Variants in IQCH observed in about 807,000 individuals in gnomAD.
IQCH encodes IQ domain-containing protein H.
IQCH carries 98 observed loss-of-function variants against 117.0 expected under a neutral mutation model. That is an observed-to-expected ratio of 0.84 (90% confidence interval 0.71 to 0.99). The LOEUF (loss-of-function observed/expected upper bound fraction) is 0.99, where lower values mean the gene tolerates loss of function less well. Ranked by LOEUF, IQCH falls within the 50% of genes least tolerant of loss-of-function variation. The pLI is 0.00. For missense variants in IQCH, 1,102 were observed against 1,243.8 expected (o/e 0.89, Z 1.72); for synonymous variants, 412 against 448.2 (o/e 0.92, Z 1.02).
At chr15:67,290,274 T>C (rs1966707128) in intron 4 of IQCH, among the ~76,000 whole-genome samples, 1 of 152,122 alleles carries the variant, frequency 6.6e-6, no homozygotes, top group Admixed American at 6.6e-5. Context: ...TTGAAAATCC[T>C]AGAGTCTATT....
intron 15 of IQCH, 99 bp from the exon 16 acceptor site, chr15:67,421,192 C>T: frequency 1.0e-6 from 1 of 965,868 alleles, no homozygotes; most frequent in Non-Finnish European, 1.5e-6. Context: ...ATGTAAGCTA[C>T]TTGCCCAAAG....
chr15:67,359,896 T>A lies in IQCH; in HGVS notation c.753+11T>A. On this transcript the variant is annotated intron_variant, in intron 8 of 20. Coordinates refer to ENST00000335894, the MANE Select transcript of IQCH (RefSeq NM_001031715.3). This position sits in a 1 kb window ranked among gnomAD's most constrained non-coding sequence, Gnocchi z 4.5. ...CATCATGATAGGAAGGTCTGTAATT[T>A]GTGTGACTAGTTGAAATTTAGGGTC... 6.2e-7 allele frequency: 1 copy of A among 1,610,212 alleles called. No homozygotes were observed. Among genetic ancestry groups the A allele is most frequent in the East Asian group, 2.2e-5 (1 of 44,844 alleles).
At chr15:67,409,700 GC>G (rs2081395834) in intron 14 of IQCH, among the ~76,000 whole-genome samples, 1 of 152,166 alleles carries the variant, frequency 6.6e-6, no homozygotes, top group Admixed American at 6.5e-5. Context: ...GCCGAAATGG[GC>G]CATTAGCTAT....
At chr15:67,400,498 T>TTCTTTTTTTTTTC (rs1971616024) in intron 14 of IQCH, among the ~76,000 whole-genome samples, 193 bp downstream of exon 14, 6 of 137,360 alleles carry the variant, frequency 4.4e-5, no homozygotes, top group East Asian at 2.2e-4. Flanking sequence ...TTTCTTTTTT[T>TTCTTTTTTTTTTC]TTTTGAGATG....
intron 8 of IQCH, among the ~76,000 whole-genome samples, chr15:67,367,846 A>G (rs1970390361): frequency 6.6e-6 from 1 of 152,144 alleles, no homozygotes; most frequent in Non-Finnish European, 1.5e-5. Flanking sequence ...CTTTGGTTAT[A>G]TATGGATTTG....
chr15:67,425,315 T>C lies in IQCH; in HGVS notation c.2505+3738T>C, dbSNP rs552035157. On this transcript the variant is annotated intron_variant, in intron 16 of 20. Transcript: ENST00000335894. This position sits in a 1 kb window ranked among gnomAD's most constrained non-coding sequence, Gnocchi z 5.5. ...TATTTTTGGCCATGTTTCTCCACCA[T>C]AAAAATTACTATTTCTGGCCAGGTG... Among the ~76,000 whole-genome samples, 11 of 152,308 alleles carry C rather than the reference T, an allele frequency of 7.2e-5. No homozygotes were observed. The highest frequency in any genetic ancestry group is 2.4e-4 in the African/African-American group (10 of 41,592).
At chr15:67,379,497 G>A (rs1260667738) in intron 10 of IQCH, among the ~76,000 whole-genome samples, 3 of 152,156 alleles carry the variant, frequency 2.0e-5, no homozygotes, top group Non-Finnish European at 4.4e-5. Flanking sequence ...ATCCCCTTGG[G>A]TTCCCAGATC....
chr15:67,296,211 T>G (rs146209838), intron 4 of IQCH, among the ~76,000 whole-genome samples: 2 of 152,282 alleles, frequency 1.3e-5, no homozygotes, highest in East Asian at 1.9e-4. Flanking sequence ...GAAAGAGAGA[T>G]AGAGGTTGGA....
chr15:67,379,577 T>C (rs902407020), intron 10 of IQCH, among the ~76,000 whole-genome samples: 3 of 152,150 alleles, frequency 2.0e-5, no homozygotes, highest in Non-Finnish European at 1.5e-5. Flanking sequence ...TGAATTGTAA[T>C]CCCCACATGT....
rs563226363 is a variant in IQCH at position 67,419,150 on chromosome 15, CA to C, written c.2218+2101del. Among the ~76,000 whole-genome samples the C allele has an allele frequency of 2.0e-3, 310 of 152,296 alleles. 5 individuals carry two copies. The highest frequency in any genetic ancestry group is 6.7e-3 in the African/African-American group (277 of 41,572). On this transcript the variant is annotated intron_variant, in intron 15 of 20. Coordinates refer to ENST00000335894, the MANE Select transcript of IQCH (RefSeq NM_001031715.3). ...CCATGCTTATTTATGGAGAGCAGTACAAGCCTTGTTAACTTAATTTTCTTCA... is the reference window on the plus strand; with the variant it reads ...CCATGCTTATTTATGGAGAGCAGTACAGCCTTGTTAACTTAATTTTCTTCA...
intron 6 of IQCH, among the ~76,000 whole-genome samples, chr15:67,353,873 CA>C (rs1330925035): frequency 6.6e-6 from 1 of 151,754 alleles, no homozygotes; most frequent in Non-Finnish European, 1.5e-5. Context: ...TGTGAACTAC[CA>C]AAAATAACTT....
chr15:67,375,349 C>T (rs1970700229), intron 10 of IQCH, among the ~76,000 whole-genome samples: 2 of 151,970 alleles, frequency 1.3e-5, no homozygotes, highest in African/African-American at 2.4e-5. Flanking sequence ...TCACTTGAGC[C>T]CAGGAGTTTG....
Position 67,465,935 on chromosome 15 carries a change from G to A in IQCH, c.2676+638G>A, listed in dbSNP as rs2082921754. Among the ~76,000 whole-genome samples, 1 of 152,188 alleles carries A rather than the reference G, an allele frequency of 6.6e-6. No individual in the cohort carries two copies. The highest frequency in any genetic ancestry group is 6.5e-5 in the Admixed American group (1 of 15,284). On this transcript the variant is annotated intron_variant, in intron 17 of 20. Coordinates refer to ENST00000335894, the MANE Select transcript of IQCH (RefSeq NM_001031715.3). This position sits in a 1 kb window ranked among gnomAD's most constrained non-coding sequence, Gnocchi z 5.9. Reference sequence around the variant, plus strand: ...CCTAAGATTCCCTGTCCCTGCCTGTGCCCTCAGCCTAAACAGACACGGCAG... The same window carrying A: ...CCTAAGATTCCCTGTCCCTGCCTGTACCCTCAGCCTAAACAGACACGGCAG...
chr15:67,289,240 A>C (rs948860856), intron 4 of IQCH, among the ~76,000 whole-genome samples: 5 of 152,190 alleles, frequency 3.3e-5, no homozygotes, highest in Non-Finnish European at 5.9e-5. Flanking sequence ...AGAGAATGAC[A>C]TGATCATAAT....
intron 4 of IQCH, among the ~76,000 whole-genome samples, chr15:67,312,038 C>A (rs1370338107): frequency 6.6e-6 from 1 of 152,088 alleles, no homozygotes; most frequent in Admixed American, 6.6e-5. Flanking sequence ...TTACTTTGTG[C>A]CTTTTCACTT....
At position 67,344,095 on chromosome 15, in the gene IQCH, C is replaced by G. The variant is rs1969282824; in HGVS notation, c.541C>G (p.Pro181Ala). ...AAGTATGATAGAACGAGGGCTGATT[C>G]CACCAACAGCAAGGATTACCTTTCA... ...ILSMIERGLIPPTARITFQNP... is the reference protein window; with the variant it reads ...ILSMIERGLIAPTARITFQNP... Residue 181 changes from proline to alanine, a missense_variant, in exon 6 of 21, where the codon CCA (proline) becomes GCA (alanine). This residue lies in a region of IQCH where 452 missense variants were observed against 449.6 expected (regional missense o/e 1.01). Coordinates refer to ENST00000335894, the MANE Select transcript of IQCH (RefSeq NM_001031715.3). 1.2e-6 allele frequency: 2 copies of G among 1,612,796 alleles called. No individual in the cohort carries two copies. Among genetic ancestry groups the G allele is most frequent in the Non-Finnish European group, 1.7e-6 (2 of 1,179,028 alleles).
chr15:67,398,966 G>C (rs1971554971), intron 13 of IQCH, among the ~76,000 whole-genome samples: 1 of 152,172 alleles, frequency 6.6e-6, no homozygotes, highest in Non-Finnish European at 1.5e-5. Context: ...GGCTCTGCCA[G>C]GTGAGTATTA....
At chr15:67,299,692 T>C (rs932804465) in intron 4 of IQCH, among the ~76,000 whole-genome samples, 4 of 152,160 alleles carry the variant, frequency 2.6e-5, no homozygotes, top group African/African-American at 7.2e-5. Context: ...TGCAATCCCA[T>C]GATGCCATTT....
chr15:67,442,816 TGAGATAGA>T (rs1186717076), intron 16 of IQCH, among the ~76,000 whole-genome samples: 2 of 116,818 alleles, frequency 1.7e-5, no homozygotes, highest in African/African-American at 3.2e-5. Flanking sequence ...AAAGAAACTG[TGAGATAGA>T]TAGATAGATA....
Sources: gnomAD v4.1 joint callset for allele counts (sites outside exome capture counted in the v4.1 genomes callset) on GRCh38, gnomAD v4.1.1 for gene constraint, gnomAD v4.1.1 regional missense constraint, Gnocchi (gnomAD v3.1) non-coding constraint, MANE v1.5 for transcripts, NCBI Gene and HGNC (gene_info 2026-07-23, HGNC 2026-07-21) for gene names.